The following PKNOX2 variants were observed in gnomAD, a reference collection of about 807,000 sequenced individuals.
PKNOX2 encodes homeobox protein PKNOX2.
A neutral mutation model predicts 53.1 loss-of-function variants in PKNOX2; 14 were observed. That is an observed-to-expected ratio of 0.26 (90% CI 0.17 to 0.41). The LOEUF is 0.41. PKNOX2 is among the 10% of genes least tolerant of loss of function. The pLI is 1.00. For synonymous variants in PKNOX2, 257 were observed against 242.8 expected, an observed-to-expected ratio of 1.06 and a Z score of -0.54; for missense variants, 496 against 602.8, an observed-to-expected ratio of 0.82 and a Z score of 1.85.
intron 2 of PKNOX2, among the ~76,000 whole-genome samples, chr11:125,314,126 A>G (rs747753987): frequency 6.6e-6 from 1 of 152,204 alleles, no homozygotes; most frequent in African/African-American, 2.4e-5. Flanking sequence ...GTGGGTATGC[A>G]GAGGAGACCA....
intron 1 of PKNOX2, among the ~76,000 whole-genome samples, chr11:125,194,055 A>AG (rs1176420824): frequency 6.6e-6 from 1 of 152,168 alleles, no homozygotes; most frequent in Non-Finnish European, 1.5e-5. Context: ...GCCCCGTAGG[A>AG]GGGGTAAAGA....
chr11:125,208,447 T>C (rs774491098), intron 1 of PKNOX2, among the ~76,000 whole-genome samples: 1 of 152,008 alleles, frequency 6.6e-6, no homozygotes, highest in Non-Finnish European at 1.5e-5. Context: ...AGAGAAGACT[T>C]TGCACTAGAA....
intron 2 of PKNOX2, among the ~76,000 whole-genome samples, chr11:125,290,727 T>C (rs1947253889): frequency 6.6e-6 from 1 of 152,180 alleles, no homozygotes; most frequent in Non-Finnish European, 1.5e-5. Flanking sequence ...AAAATGCTCA[T>C]TCTCTGCCCT....
chr11:125,381,335 C>G (rs1417192747), intron 5 of PKNOX2, among the ~76,000 whole-genome samples: 1 of 152,030 alleles, frequency 6.6e-6, no homozygotes, highest in Non-Finnish European at 1.5e-5. Context: ...GCTGACAGTA[C>G]CCTGCCCTCC....
chr11:125,386,606 G>A (rs1444248152), intron 6 of PKNOX2, among the ~76,000 whole-genome samples: 1 of 152,124 alleles, frequency 6.6e-6, no homozygotes, highest in African/African-American at 2.4e-5. Flanking sequence ...CCCACAAATT[G>A]ATTAATGATA....
chr11:125,412,984 T>C (rs1026387479), intron 10 of PKNOX2, among the ~76,000 whole-genome samples: 10 of 152,094 alleles, frequency 6.6e-5, no homozygotes, highest in Admixed American at 2.0e-4. Context: ...GGGGCTCTGA[T>C]TGGGAAGTGC....
At chr11:125,249,062 A>G (rs1007294332) in intron 2 of PKNOX2, among the ~76,000 whole-genome samples, 1 of 147,228 alleles carries the variant, frequency 6.8e-6, no homozygotes, top group Non-Finnish European at 1.5e-5. Context: ...TATATAATAT[A>G]TATAACACAT....
chr11:125,263,694 C>A (rs950174487), intron 2 of PKNOX2, among the ~76,000 whole-genome samples: 2 of 152,236 alleles, frequency 1.3e-5, no homozygotes, highest in Non-Finnish European at 2.9e-5. Context: ...GTCCGGTCTT[C>A]GCACGGAGGG....
intron 10 of PKNOX2, among the ~76,000 whole-genome samples, chr11:125,424,703 G>T (rs1956325720): frequency 6.6e-6 from 1 of 152,204 alleles, no homozygotes; most frequent in African/African-American, 2.4e-5. Context: ...CCCATCTGCT[G>T]TGTCCCTTGG....
chr11:125,431,854 C>T lies in PKNOX2; in HGVS notation c.*462C>T, dbSNP rs147552831. The stretch of plus-strand genomic sequence containing the variant: ...CTGAGTTTCATCCCCAGAAGTTTCT[C>T]AGCTCCTTTGACAGACATTCAAGGG... On this transcript the variant is annotated 3_prime_UTR_variant, in exon 13 of 13. Coordinates refer to ENST00000298282, the MANE Select transcript of PKNOX2 (RefSeq NM_001382323.2). 212 of 164,976 alleles carry T rather than the reference C, an allele frequency of 1.3e-3. 3 individuals carry two copies. In the South Asian group the frequency reaches 0.02, roughly 16 times the overall value. The allele number at this position is 164,976 out of a possible 1,614,324, so 10.2% of individuals were successfully genotyped here. A position where few individuals can be genotyped will look rare whatever the true frequency, so the allele number is the denominator to read the frequency against.
chr11:125,335,013 C>G (rs1950358729), intron 3 of PKNOX2, among the ~76,000 whole-genome samples: 1 of 152,194 alleles, frequency 6.6e-6, no homozygotes, highest in South Asian at 2.1e-4. Flanking sequence ...GCACCTCACA[C>G]AATGTCTGGT....
intron 2 of PKNOX2, among the ~76,000 whole-genome samples, chr11:125,300,787 C>T (rs966334372): frequency 1.3e-4 from 20 of 152,084 alleles, no homozygotes; most frequent in Non-Finnish European, 2.2e-4. Context: ...TGCATTTTTT[C>T]CTCTATAGGG....
intron 2 of PKNOX2, among the ~76,000 whole-genome samples, chr11:125,295,631 G>A (rs1051431012): frequency 2.6e-5 from 4 of 152,184 alleles, no homozygotes; most frequent in Admixed American, 2.6e-4. Flanking sequence ...CACCAGAATA[G>A]GGTAGACCCT....
chr11:125,236,753 C>G (rs549512298), intron 2 of PKNOX2, among the ~76,000 whole-genome samples: 127 of 152,186 alleles, frequency 8.3e-4, no homozygotes, highest in South Asian at 1.5e-3. Flanking sequence ...GGGGAGCCTG[C>G]CTTTTGGAGG....
At chr11:125,184,909 T>C (rs1480430142) in intron 1 of PKNOX2, among the ~76,000 whole-genome samples, 1 of 152,094 alleles carries the variant, frequency 6.6e-6, no homozygotes, top group Admixed American at 6.6e-5. Context: ...AAGAAAGACA[T>C]CATGATGGGT....
chr11:125,183,131 A>G (rs925998043), intron 1 of PKNOX2, among the ~76,000 whole-genome samples: 2 of 151,660 alleles, frequency 1.3e-5, no homozygotes, highest in African/African-American at 2.4e-5. Flanking sequence ...TCCTGGTTCA[A>G]TAGGCTGGGG....
intron 1 of PKNOX2, among the ~76,000 whole-genome samples, chr11:125,172,263 C>T (rs7926783): frequency 0.026 from 3,989 of 152,304 alleles, 177 homozygotes; most frequent in African/African-American, 0.087. Context: ...TCCAGTTTCC[C>T]TTACACACTG....
At chr11:125,167,374 G>C (rs1405441279) in intron 1 of PKNOX2, among the ~76,000 whole-genome samples, 1 of 152,152 alleles carries the variant, frequency 6.6e-6, no homozygotes, top group Admixed American at 6.5e-5. Context: ...CCCGGGGCGC[G>C]GCGACTGCCG....
intron 5 of PKNOX2, among the ~76,000 whole-genome samples, chr11:125,378,642 C>T (rs1287889551): frequency 6.6e-6 from 1 of 152,252 alleles, no homozygotes; most frequent in Non-Finnish European, 1.5e-5. Context: ...GGCAGCCACA[C>T]ACTTGGCTGG....
Sources: allele counts gnomAD v4.1 joint callset (sites outside exome capture counted in the v4.1 genomes callset), GRCh38; gene constraint gnomAD v4.1.1; transcripts MANE v1.5; gene names NCBI Gene and HGNC (gene_info 2026-07-23, HGNC 2026-07-21).